SCAMP4: variants seen among roughly 807,000 people sequenced by gnomAD.
SCAMP4 encodes the protein secretory carrier-associated membrane protein 4.
In SCAMP4, 19 loss-of-function variants were observed where a neutral mutation model predicts 32.1. The observed-to-expected ratio is 0.59, with a 90% CI of 0.41 to 0.87. The LOEUF (loss-of-function observed/expected upper bound fraction) is 0.87. Ranked by LOEUF, SCAMP4 falls within the 40% of genes least tolerant of loss-of-function variation. The pLI is 0.00. For synonymous variants in SCAMP4, 152 were observed against 132.7 expected (o/e 1.15, Z -1.00); for missense variants, 302 against 309.0 (o/e 0.98, Z 0.17).
intron 5 of SCAMP4, chr19:1,921,930 G>C: frequency 5.1e-6 from 5 of 985,522 alleles, no homozygotes; most frequent in Non-Finnish European, 6.0e-6. Flanking sequence ...CGCGGCGGGG[G>C]GTACCGCGTG....
chr19:1,920,864 A>T, intron 5 of SCAMP4: 3 of 985,410 alleles, frequency 3.0e-6, no homozygotes, highest in African/African-American at 3.5e-5. Flanking sequence ...GAGTGCCCAC[A>T]TGTGACCCTC....
In SCAMP4 at chr19:1,908,641, A is replaced by T. The variant is rs906802143; in HGVS notation, c.-42+3202A>T. 2 of 461,218 alleles carry T rather than the reference A, an allele frequency of 4.3e-6. No individual in the cohort carries two copies. Among genetic ancestry groups the T allele is most frequent in the Non-Finnish European group, 8.9e-6 (2 of 223,932 alleles). The allele number at this position is 461,218 out of a possible 1,614,324, so 28.6% of individuals were successfully genotyped here. ...AAATAACTGTGAGCACACAGGTAGT[A>T]AGGTTTTTAGGATTTTATTATTATT... On this transcript the variant is annotated intron_variant, in intron 1 of 6. Coordinates refer to ENST00000316097, the MANE Select transcript of SCAMP4 (RefSeq NM_079834.4). The surrounding 1 kb of genome is among the most constrained non-coding windows in gnomAD (Gnocchi z 4.2).
chr19:1,907,187 A>T (rs943112805), intron 1 of SCAMP4: 6 of 151,372 alleles, frequency 4.0e-5, no homozygotes, highest in African/African-American at 1.5e-4. Context: ...ACTGTCCCAA[A>T]AAAAAAAAAG....
chr19:1,920,817 G>A lies in SCAMP4; in HGVS notation c.395+1827G>A, dbSNP rs558940161. 7.1e-6 allele frequency: 7 copies of A among 985,538 alleles called. No homozygotes were observed. The South Asian group carries it at 1.4e-4, about 20-fold the overall frequency. 61.0% of individuals were successfully genotyped at this position (985,538 alleles called of 1,614,324 possible). On this transcript the variant is annotated intron_variant, in intron 5 of 6. Transcript: ENST00000316097. ...GGCTGAGCTGGGTGGACAGGCCTGT[G>A]CCCGTGTTGGGTGGTCCTGAGATCC...
Position 1,925,889 on chromosome 19 carries a change from A to G in SCAMP4, c.*1605A>G, listed in dbSNP as rs898259219. ...CCTCTCGCCTGCACTGATGCAGACA[A>G]AATCTCACCTGGCAGGCCCAACCCC... On this transcript the variant is annotated 3_prime_UTR_variant, in exon 7 of 7. Coordinates refer to ENST00000316097, the MANE Select transcript of SCAMP4 (RefSeq NM_079834.4). 1 of 149,388 alleles carries G rather than the reference A, an allele frequency of 6.7e-6. No individual in the cohort carries two copies. Among genetic ancestry groups the G allele is most frequent in the African/African-American group, 2.5e-5 (1 of 40,096 alleles). The allele number at this position is 149,388 out of a possible 1,614,324, so 9.3% of individuals were successfully genotyped here.
intron 1 of SCAMP4, among the ~76,000 whole-genome samples, chr19:1,909,891 G>A (rs1057427275): frequency 2.6e-5 from 4 of 152,218 alleles, no homozygotes; most frequent in South Asian, 2.1e-4. Flanking sequence ...GCTGCGCTCC[G>A]GGGCTTACGT....
intron 1 of SCAMP4, among the ~76,000 whole-genome samples, chr19:1,910,190 A>G (rs904726831): frequency 7.9e-5 from 12 of 152,074 alleles, no homozygotes; most frequent in Admixed American, 7.2e-4. Flanking sequence ...CCGGGCTGGA[A>G]CCCAGGTGTC....
At chr19:1,918,738 G>C (rs2013819247) in intron 4 of SCAMP4, 151 bp from the exon 5 acceptor site, 5 of 1,226,244 alleles carry the variant, frequency 4.1e-6, no homozygotes, top group Middle Eastern at 2.9e-4. Context: ...CTCCAGCCTG[G>C]GCGACAGAGT....
At chr19:1,921,055 G>C in intron 5 of SCAMP4, 2 of 985,396 alleles carry the variant, frequency 2.0e-6, no homozygotes, top group Non-Finnish European at 2.4e-6. Context: ...AGGAGAGCCC[G>C]GCCCCCCTTG....
intron 5 of SCAMP4, 61 bp from the exon 6 acceptor site, chr19:1,923,009 G>A (rs1215405003): frequency 3.3e-5 from 48 of 1,467,830 alleles, no homozygotes; most frequent in South Asian, 1.2e-4. Flanking sequence ...ACCATGGGCC[G>A]GACCATGGGC....
rs2014003679 is a variant in SCAMP4 at position 1,923,858 on chromosome 19, C to G, written c.514-250C>G. Among the ~76,000 whole-genome samples, 4 of 149,176 alleles carry G rather than the reference C, an allele frequency of 2.7e-5. 1 individual carries two copies. In the Admixed American group the frequency reaches 2.8e-4, roughly 10 times the overall value. Reference sequence around the variant, plus strand: ...GCCAGGATGGTCTCAATCTCCTGACCTCGTGATCCTCCCGCCTCGGCCTCC... The same window carrying G: ...GCCAGGATGGTCTCAATCTCCTGACGTCGTGATCCTCCCGCCTCGGCCTCC... On this transcript the variant is annotated intron_variant, in intron 6 of 6. Transcript: ENST00000316097.
intron 1 of SCAMP4, among the ~76,000 whole-genome samples, chr19:1,914,001 G>T (rs2013638395): frequency 6.6e-6 from 1 of 152,178 alleles, no homozygotes; most frequent in Non-Finnish European, 1.5e-5. Context: ...GGCCTGCAGT[G>T]GGGGAGTCCG....
Position 1,919,570 on chromosome 19 carries a change from C to T in SCAMP4, c.395+580C>T, listed in dbSNP as rs2013854162. On this transcript the variant is annotated intron_variant, in intron 5 of 6. Coordinates refer to ENST00000316097, the MANE Select transcript of SCAMP4 (RefSeq NM_079834.4). Reference sequence around the variant, plus strand: ...GGGGCGCAGTGGTGCAATCTCAGCTCACTGCAACCTCCACATCCTGGGTTC... The same window carrying T: ...GGGGCGCAGTGGTGCAATCTCAGCTTACTGCAACCTCCACATCCTGGGTTC... 7 of 511,092 alleles carry T rather than the reference C, an allele frequency of 1.4e-5. No homozygotes were observed. In the South Asian group the frequency reaches 5.0e-4, roughly 37 times the overall value. 31.7% of individuals were successfully genotyped at this position (511,092 alleles called of 1,614,324 possible). A position where few individuals can be genotyped will look rare whatever the true frequency, so the allele number is the denominator to read the frequency against.
At chr19:1,913,093 TC>T in intron 1 of SCAMP4, 1 of 1,599,060 alleles carries the variant, frequency 6.3e-7, no homozygotes, top group Non-Finnish European at 8.5e-7. Flanking sequence ...AACCACCGCT[TC>T]CAGGTGTTCC....
In SCAMP4 at chr19:1,908,306, G is replaced by A. The variant is rs926199958; in HGVS notation, c.-42+2867G>A. On this transcript the variant is annotated intron_variant, in intron 1 of 6. Transcript: ENST00000316097. The surrounding 1 kb of genome is among the most constrained non-coding windows in gnomAD (Gnocchi z 4.2). Reference sequence around the variant, plus strand: ...GTGCTTTGTTGAACGCGTGAGCTTCGGGCAGCGCTGGGGCCGCTTCAGCGT... The same window carrying A: ...GTGCTTTGTTGAACGCGTGAGCTTCAGGCAGCGCTGGGGCCGCTTCAGCGT... 40 of 332,842 alleles carry A rather than the reference G, an allele frequency of 1.2e-4. No individual in the cohort carries two copies. Among genetic ancestry groups the A allele is most frequent in the Non-Finnish European group, 2.1e-4 (36 of 167,606 alleles). The allele number at this position is 332,842 out of a possible 1,614,324, so 20.6% of individuals were successfully genotyped here.
chr19:1,909,810 C>T (rs1322850894), intron 1 of SCAMP4, among the ~76,000 whole-genome samples: 3 of 152,198 alleles, frequency 2.0e-5, no homozygotes, highest in Non-Finnish European at 4.4e-5. Context: ...CTGCTCCACC[C>T]GACAGCCAGG....
At position 1,917,760 on chromosome 19, in the gene SCAMP4, TCTC is replaced by T. The variant is rs768008316; in HGVS notation, c.76_78del (p.Ser26del). On this transcript the variant is annotated inframe_deletion, in exon 3 of 7. Transcript: ENST00000316097. Reference sequence around the variant, plus strand: ...GTGAAGCCCTGCTTCTACCAGAACTTCTCCGACGAGATCCCAGTGGAGCACCAG... The same window carrying T: ...GTGAAGCCCTGCTTCTACCAGAACTTCGACGAGATCCCAGTGGAGCACCAG... 6 of 1,613,980 alleles carry T rather than the reference TCTC, an allele frequency of 3.7e-6. No individual in the cohort carries two copies. Among genetic ancestry groups the T allele is most frequent in the Non-Finnish European group, 5.1e-6 (6 of 1,179,880 alleles).
In SCAMP4 at chr19:1,918,339, C is replaced by T. The variant is rs191544013; in HGVS notation, c.293+56C>T. 3.7e-5 allele frequency: 55 copies of T among 1,482,686 alleles called. No homozygotes were observed. The East Asian group carries it at 1.3e-3, about 34-fold the overall frequency. 91.8% of individuals were successfully genotyped at this position (1,482,686 alleles called of 1,614,324 possible). ...CCAGAGGGAACCAGGGCCCACTCTG[C>T]ACCCCAGTCCCAGCCCAGCTGTGAG... On this transcript the variant is annotated intron_variant, in intron 4 of 6. Transcript: ENST00000316097.
chr19:1,918,915 C>G lies in SCAMP4; in HGVS notation c.320C>G (p.Ala107Gly). The G allele has an allele frequency of 6.2e-7, 1 of 1,611,696 alleles. No individual in the cohort carries two copies. The highest frequency in any genetic ancestry group is 8.5e-7 in the Non-Finnish European group (1 of 1,178,942). ...GCCGACAGCTCCTTTAATTTCATGG[C>G]GTTTTTCTTCATCTTCGGAGCCCAG... is the stretch of plus-strand genomic sequence containing the variant. ...FRADSSFNFM[A>G]FFFIFGAQFV... The change falls in exon 5 of 7, where the codon GCG (alanine) becomes GGG (glycine). Residue 107 changes from alanine to glycine, a missense_variant. Transcript: ENST00000316097.
Sources: gnomAD v4.1 joint callset for allele counts (sites outside exome capture counted in the v4.1 genomes callset) on GRCh38, gnomAD v4.1.1 for gene constraint, Gnocchi (gnomAD v3.1) non-coding constraint, MANE v1.5 for transcripts, NCBI Gene and HGNC (gene_info 2026-07-23, HGNC 2026-07-21) for gene names.